SLC44A5: variants seen among roughly 807,000 people sequenced by gnomAD.
SLC44A5 encodes solute carrier family 44 member 5, also known as choline transporter-like protein 5.
A neutral mutation model predicts 101.8 loss-of-function variants in SLC44A5; 57 were observed. That is an observed-to-expected ratio of 0.56 (90% confidence interval 0.45 to 0.70). SLC44A5 has a LOEUF of 0.70. SLC44A5 is among the 30% of genes least tolerant of loss of function. SLC44A5 has a pLI of 0.00. For missense variants in SLC44A5, 737 were observed against 853.1 expected, an observed-to-expected ratio of 0.86 and a Z score of 1.70; for synonymous variants, 281 against 290.9, an observed-to-expected ratio of 0.97 and a Z score of 0.35.
At chr1:75,641,593 A>G in the SLC44A5 span, 22 of 1,512,520 alleles carry the variant, frequency 1.5e-5, no homozygotes, top group African/African-American at 2.5e-4. Context: ...CTTCAATCAG[A>G]TTACATTCTT....
At chr1:75,589,090 CCT>C (rs1454277588) in intron 1 of SLC44A5, among the ~76,000 whole-genome samples, 3 of 152,156 alleles carry the variant, frequency 2.0e-5, no homozygotes, top group South Asian at 4.1e-4. Flanking sequence ...TCACGCGCAC[CCT>C]CTCTCTTTCT....
At chr1:75,517,502 G>A (rs1468149018) in intron 2 of SLC44A5, among the ~76,000 whole-genome samples, 1 of 152,080 alleles carries the variant, frequency 6.6e-6, no homozygotes, top group African/African-American at 2.4e-5. Flanking sequence ...ACAAAAGCGG[G>A]AAAGCAAAAG....
intron 2 of SLC44A5, among the ~76,000 whole-genome samples, chr1:75,476,098 G>A (rs865893642): frequency 6.6e-5 from 10 of 152,128 alleles, no homozygotes; most frequent in African/African-American, 2.2e-4. Context: ...CATGAGAATC[G>A]CTTGAACCCG....
At chr1:75,322,543 C>T (rs373870287) in intron 4 of SLC44A5, among the ~76,000 whole-genome samples, 1 of 152,058 alleles carries the variant, frequency 6.6e-6, no homozygotes, top group African/African-American at 2.4e-5. Flanking sequence ...ATTTAGGAGA[C>T]ATTCTTAGGA....
the SLC44A5 span, among the ~76,000 whole-genome samples, chr1:75,681,175 C>A: frequency 2.0e-5 from 3 of 152,062 alleles, no homozygotes; most frequent in Non-Finnish European, 4.4e-5. Flanking sequence ...CCGAATTCTA[C>A]CAGAGGTACA....
chr1:75,326,094 CCG>C (rs1491344158), intron 4 of SLC44A5, among the ~76,000 whole-genome samples: 6 of 109,086 alleles, frequency 5.5e-5, no homozygotes, highest in Admixed American at 3.9e-4. Context: ...CTCTCTCTCT[CCG>C]TGTGTGTGTG....
At chr1:75,414,276 CACATATAT>C (rs1414105853) in intron 2 of SLC44A5, among the ~76,000 whole-genome samples, 3 of 113,390 alleles carry the variant, frequency 2.6e-5, no homozygotes, top group African/African-American at 1.2e-4. Flanking sequence ...TTTATATATA[CACATATAT>C]ACATACATAC....
At chr1:75,635,986 G>A in the SLC44A5 span, among the ~76,000 whole-genome samples, 3 of 151,882 alleles carry the variant, frequency 2.0e-5, no homozygotes, top group South Asian at 2.1e-4. Flanking sequence ...TAATTGTAAC[G>A]TCAAGGCTTC....
chr1:75,590,798 C>A (rs1346943660), intron 1 of SLC44A5, among the ~76,000 whole-genome samples: 1 of 152,126 alleles, frequency 6.6e-6, no homozygotes, highest in Non-Finnish European at 1.5e-5. Context: ...AATAGAAAAT[C>A]AGATAGATTC....
At chr1:75,634,762 T>C in the SLC44A5 span, among the ~76,000 whole-genome samples, 1 of 151,796 alleles carries the variant, frequency 6.6e-6, no homozygotes, top group Admixed American at 6.6e-5. Context: ...GGCAAGGACT[T>C]CATGTCTAAA....
At chr1:75,414,793 T>C (rs993552088) in intron 2 of SLC44A5, among the ~76,000 whole-genome samples, 1 of 152,010 alleles carries the variant, frequency 6.6e-6, no homozygotes, top group African/African-American at 2.4e-5. Flanking sequence ...CTAATAAAAG[T>C]CTAGCATAAT....
chr1:75,391,734 G>C (rs1281121200), intron 3 of SLC44A5, among the ~76,000 whole-genome samples: 5 of 152,166 alleles, frequency 3.3e-5, no homozygotes, highest in African/African-American at 4.8e-5. Flanking sequence ...GTGATGGATT[G>C]AATATTTAAA....
In SLC44A5 at chr1:75,364,070, T is replaced by C. The variant is rs144606151; in HGVS notation, c.53-24440A>G. ...GACTTACTTGTATGTGGCATATCTT[T>C]TGTATTTTGCTGCTTTCAGAATTAC... On this transcript the variant is annotated intron_variant, in intron 3 of 23. Coordinates refer to ENST00000370859, the MANE Select transcript of SLC44A5 (RefSeq NM_001130058.2). 3.6e-3 allele frequency among the ~76,000 whole-genome samples: 545 copies of C among 152,286 alleles called. 2 individuals carry two copies. Among genetic ancestry groups the C allele is most frequent in the African/African-American group, 0.013 (529 of 41,558 alleles).
intron 2 of SLC44A5, among the ~76,000 whole-genome samples, chr1:75,493,029 C>T (rs1668502059): frequency 6.6e-6 from 1 of 152,162 alleles, no homozygotes; most frequent in Admixed American, 6.6e-5. Context: ...GTGACAAAGA[C>T]CATGACCTCA....
intron 2 of SLC44A5, among the ~76,000 whole-genome samples, chr1:75,511,943 C>G (rs1297604149): frequency 6.6e-6 from 1 of 152,036 alleles, no homozygotes. Context: ...ACATTAAGTC[C>G]AGAAGGGCTT....
rs980924567 is a variant in SLC44A5, at chr1:75,315,921, C to T, written c.102-15236G>A. Among the ~76,000 whole-genome samples, 3 of 152,276 alleles carry T rather than the reference C, an allele frequency of 2.0e-5. No individual in the cohort carries two copies. The South Asian group carries it at 6.2e-4, about 32-fold the overall frequency. On this transcript the variant is annotated intron_variant, in intron 4 of 23. Coordinates refer to ENST00000370859, the MANE Select transcript of SLC44A5 (RefSeq NM_001130058.2). ...CTGACAAGCCCTGCTGATTCTCCAT[C>T]CTACAATGTTCTGTTTCTTTCCCTC...
chr1:75,264,966 G>A (rs923063759), intron 6 of SLC44A5, among the ~76,000 whole-genome samples: 3 of 151,978 alleles, frequency 2.0e-5, no homozygotes, highest in African/African-American at 4.8e-5. Flanking sequence ...AATGAAAAAC[G>A]CTATCAGAGA....
Position 75,214,589 on chromosome 1 carries a change from C to A in SLC44A5, c.1802+16G>T. 1.9e-6 allele frequency: 3 copies of A among 1,605,460 alleles called. No individual in the cohort carries two copies. Among genetic ancestry groups the A allele is most frequent in the Non-Finnish European group, 2.6e-6 (3 of 1,173,616 alleles). On this transcript the variant is annotated intron_variant, in intron 20 of 23. Transcript: ENST00000370859. Reference sequence around the variant, plus strand: ...CACTACATTGTTAAATTACATTGTGCAGCCTGATTACTTACTTCAAAACAT... The same window carrying A: ...CACTACATTGTTAAATTACATTGTGAAGCCTGATTACTTACTTCAAAACAT...
rs116532945 is a variant in SLC44A5 at position 75,563,096 on chromosome 1, G to T, written c.-69-21580C>A. On this transcript the variant is annotated intron_variant, in intron 1 of 23. Transcript: ENST00000370859. ...ACATATATCTTAATATCATCATAATGTAGTTTTATACAAGAACTCTTTATA... is the reference window on the plus strand; with the variant it reads ...ACATATATCTTAATATCATCATAATTTAGTTTTATACAAGAACTCTTTATA... Among the ~76,000 whole-genome samples the T allele has an allele frequency of 5.3e-5, 8 of 152,198 alleles. No individual in the cohort carries two copies. The South Asian group carries it at 1.7e-3, about 32-fold the overall frequency.
Sources: allele counts gnomAD v4.1 joint callset (sites outside exome capture counted in the v4.1 genomes callset), GRCh38; gene constraint gnomAD v4.1.1; transcripts MANE v1.5; gene names NCBI Gene and HGNC (gene_info 2026-07-23, HGNC 2026-07-21).